The following SRPK3 variants were observed in gnomAD, a reference collection of about 807,000 sequenced individuals.
SRPK3 encodes SRSF protein kinase 3.
Under a neutral mutation model 45.3 loss-of-function variants are expected in SRPK3, and 26 were observed. The observed-to-expected ratio is 0.57, with a 90% CI of 0.42 to 0.80. The LOEUF is 0.80. SRPK3 is among the 30% of genes least tolerant of loss of function. The pLI, the probability that SRPK3 is intolerant of heterozygous loss-of-function variation, is 0.00. For missense variants in SRPK3, 536 were observed against 514.5 expected, an observed-to-expected ratio of 1.04 and a Z score of -0.40; for synonymous variants, 254 against 226.6, an observed-to-expected ratio of 1.12 and a Z score of -1.09.
At chrX:153,783,407 G>C (rs1414298564) in intron 8 of SRPK3, among the ~76,000 whole-genome samples, 156 bp downstream of exon 8, 2 of 112,611 alleles carry the variant, frequency 1.8e-5, no homozygotes, top group African/African-American at 3.2e-5. Context: ...TAATTCCCGG[G>C]GGGGGTCAAG....
At chrX:153,782,732 G>A (rs372970181) in intron 5 of SRPK3, 40 bp from the exon 6 acceptor site, 850 of 1,151,514 alleles carry the variant, frequency 7.4e-4, no homozygotes, top group Non-Finnish European at 9.0e-4. Context: ...GGCCTGTGCC[G>A]CAGCTGGTGT....
rs1001671484 is a variant in SRPK3, at chrX:153,784,829, C to G, written c.1328C>G (p.Pro443Arg). 1 of 1,210,542 alleles carries G rather than the reference C, an allele frequency of 8.3e-7. No homozygotes were observed. The highest frequency in any genetic ancestry group is 1.1e-6 in the Non-Finnish European group (1 of 895,351). ...EVLIGAEYGP[P>R]ADIWSTACMA... The stretch of plus-strand genomic sequence containing the variant: ...CTGATCGGCGCCGAATACGGCCCCC[C>G]GGCAGACATCTGGAGCACAGCCTGC... Residue 443 changes from proline (P) to arginine (R), a missense_variant, in exon 12 of 15, where the codon CCG becomes CGG. Pro to Arg is a moderately radical substitution (Grantham distance 103). Transcript: ENST00000370101.
intron 8 of SRPK3, 151 bp downstream of exon 8, chrX:153,783,402 C>T (rs2092064445): frequency 2.1e-6 from 1 of 486,787 alleles, no homozygotes; most frequent in African/African-American, 2.4e-5. Context: ...GACGGTAATT[C>T]CCGGGGGGGG....
At position 153,785,254 on chromosome X, in the gene SRPK3, C is replaced by T. The variant is rs965563623; in HGVS notation, c.1519+81C>T. 5.9e-6 allele frequency: 7 copies of T among 1,182,308 alleles called. No individual in the cohort carries two copies. The Admixed American group carries it at 1.6e-4, about 27-fold the overall frequency. On this transcript the variant is annotated intron_variant, in intron 14 of 14. Coordinates refer to ENST00000370101, the MANE Select transcript of SRPK3 (RefSeq NM_014370.4). Reference sequence around the variant, plus strand: ...CTTGGATTCTGCAACAGAGGGAACACTGGGTCCCAGGAGCCAGGGCCTAAG... The same window carrying T: ...CTTGGATTCTGCAACAGAGGGAACATTGGGTCCCAGGAGCCAGGGCCTAAG...
At position 153,782,327 on chromosome X, in the gene SRPK3, G is replaced by C. The variant is rs1029999872; in HGVS notation, c.475+119G>C. On this transcript the variant is annotated intron_variant, in intron 5 of 14. Transcript: ENST00000370101. Reference sequence around the variant, plus strand: ...ATGGGCTTGCATCCCTCCCAGTAACGGGAGCCTCTGGCACGACCCCGCCCC... The same window carrying C: ...ATGGGCTTGCATCCCTCCCAGTAACCGGAGCCTCTGGCACGACCCCGCCCC... 4.6e-5 allele frequency: 28 copies of C among 602,306 alleles called. No homozygotes were observed. The South Asian group carries it at 6.8e-4, about 15-fold the overall frequency. The allele number at this position is 602,306 out of a possible 1,213,427, so 49.6% of individuals were successfully genotyped here.
At chrX:153,784,458 C>T in intron 11 of SRPK3, 64 bp downstream of exon 11, 1 of 1,120,645 alleles carries the variant, frequency 8.9e-7, no homozygotes, top group Non-Finnish European at 1.2e-6. Flanking sequence ...CACAGGGCCG[C>T]TCTTGGGGAG....
Position 153,784,798 on chromosome X carries a change from G to A in SRPK3, c.1297G>A (p.Glu433Lys). ...DIQTRQYRAV[E>K]VLIGAEYGPP... Reference sequence around the variant, plus strand: ...CCAGACTCGGCAGTACCGGGCCGTCGAGGTGCTGATCGGCGCCGAATACGG... The same window carrying A: ...CCAGACTCGGCAGTACCGGGCCGTCAAGGTGCTGATCGGCGCCGAATACGG... Residue 433 changes from glutamate (E) to lysine (K), a missense_variant, in exon 12 of 15, where the codon GAG becomes AAG. By Grantham distance (56) the Glu-to-Lys change is moderately conservative (BLOSUM62 1). Coordinates refer to ENST00000370101, the MANE Select transcript of SRPK3 (RefSeq NM_014370.4). The A allele has an allele frequency of 1.7e-6, 2 of 1,211,488 alleles. No individual in the cohort carries two copies. Among genetic ancestry groups the A allele is most frequent in the Non-Finnish European group, 2.2e-6 (2 of 895,612 alleles).
rs1557066998 is a variant in SRPK3 at position 153,781,806 on chromosome X, G to C, written c.363G>C (p.Val121=). The change falls in exon 4 of 15, where the codon GTG becomes GTC. Residue 121 remains valine, a synonymous_variant. Coordinates refer to ENST00000370101, the MANE Select transcript of SRPK3 (RefSeq NM_014370.4). The part of the protein sequence containing the change: ...KSAGHYTETA[V]DEIKLLKCVR... Reference sequence around the variant, plus strand: ...CGGGGCATTACACGGAGACAGCTGTGGATGAGATCAAGCTCCTGAAATGTG... The same window carrying C: ...CGGGGCATTACACGGAGACAGCTGTCGATGAGATCAAGCTCCTGAAATGTG... 2 of 1,211,717 alleles carry C rather than the reference G, an allele frequency of 1.7e-6. No homozygotes were observed. Among genetic ancestry groups the C allele is most frequent in the South Asian group, 3.5e-5 (2 of 57,051 alleles).
At chrX:153,784,522 T>C in intron 11 of SRPK3, 128 bp downstream of exon 11, 1 of 826,510 alleles carries the variant, frequency 1.2e-6, no homozygotes, top group Non-Finnish European at 1.7e-6. Flanking sequence ...GCACTGGTCC[T>C]GCCCAGTCAA....
Position 153,783,757 on chromosome X carries a change from C to G in SRPK3, c.780C>G (p.Thr260=), listed in dbSNP as rs1390668346. The part of the protein sequence containing the change: ...VSTAPQEVLQ[T]GKLSKNKRKK... ...GGTGACCCTGGCTCTGACAGCAGAC[C>G]GGTAAGCTGTCCAAAAACAAGAGGA... The change falls in exon 9 of 15, where the codon ACC becomes ACG. Residue 260 remains threonine, a synonymous_variant. Transcript: ENST00000370101. 3 of 1,209,464 alleles carry G rather than the reference C, an allele frequency of 2.5e-6. No homozygotes were observed. The highest frequency in any genetic ancestry group is 1.8e-5 in the South Asian group (1 of 56,844).
In SRPK3 at chrX:153,781,316, G is replaced by C; in HGVS notation, c.160G>C (p.Glu54Gln). 8.3e-7 allele frequency: 1 copy of C among 1,204,166 alleles called. No homozygotes were observed. Among genetic ancestry groups the C allele is most frequent in the Non-Finnish European group, 1.1e-6 (1 of 891,734 alleles). Reference sequence around the variant, plus strand: ...GGGCCTTCTGGGCTCCGACGACGAGGAACAGGAAGACCCCAAAGACTACTG... The same window carrying C: ...GGGCCTTCTGGGCTCCGACGACGAGCAACAGGAAGACCCCAAAGACTACTG... ...LQGLLGSDDE[E>Q]QEDPKDYCKG... Residue 54 changes from glutamate (E) to glutamine (Q), a missense_variant, in exon 2 of 15, where the codon GAA becomes CAA. By Grantham distance (29) the Glu-to-Gln change is conservative (BLOSUM62 2). Coordinates refer to ENST00000370101, the MANE Select transcript of SRPK3 (RefSeq NM_014370.4).
intron 11 of SRPK3, 59 bp from the exon 12 acceptor site, chrX:153,784,691 T>C (rs1557068318): frequency 4.3e-6 from 5 of 1,165,019 alleles, no homozygotes; most frequent in Non-Finnish European, 5.8e-6. Context: ...GGGGCAGGAG[T>C]CCGTGGGGGC....
In SRPK3 at chrX:153,783,034, G is replaced by A. The variant is rs1557067437; in HGVS notation, c.664G>A (p.Val222Met). 1 of 1,184,500 alleles carries A rather than the reference G, an allele frequency of 8.4e-7. No homozygotes were observed. The highest frequency in any genetic ancestry group is 1.9e-5 in the South Asian group (1 of 52,437). ...DIKPENILLC[V>M]GDAYIRRLAA... ...CAAGCCCGAGAACATCTTGCTGTGT[G>A]TGGGGGACGCTTACATCAGGCGCCT... Residue 222 changes from valine (V) to methionine (M), a missense_variant, in exon 7 of 15, where the codon GTG (valine) becomes ATG (methionine). By Grantham distance (21) the Val-to-Met change is conservative (BLOSUM62 1). Transcript: ENST00000370101.
At chrX:153,784,595 C>G in intron 11 of SRPK3, 155 bp from the exon 12 acceptor site, 1 of 729,141 alleles carries the variant, frequency 1.4e-6, no homozygotes, top group Non-Finnish European at 2.0e-6. Context: ...AGCCTCACAT[C>G]ACTGGGCCTG....
In SRPK3 at chrX:153,785,481, T is replaced by G. The variant is rs374609698; in HGVS notation, c.1665T>G (p.Ser555Arg). The change falls in exon 15 of 15, where the codon AGT becomes AGG. Residue 555 changes from serine (S) to arginine (R), a missense_variant. Ser to Arg is a moderately radical substitution (Grantham distance 110). Coordinates refer to ENST00000370101, the MANE Select transcript of SRPK3 (RefSeq NM_014370.4). ...MMEYIPEKRA[S>R]AADCLQHPWL... The stretch of plus-strand genomic sequence containing the variant: ...AGTACATCCCCGAAAAGCGGGCCAG[T>G]GCCGCTGACTGCCTCCAGCACCCCT... 5.0e-6 allele frequency: 6 copies of G among 1,210,003 alleles called. No individual in the cohort carries two copies. Among genetic ancestry groups the G allele is most frequent in the Non-Finnish European group, 6.7e-6 (6 of 894,561 alleles).
Position 153,783,976 on chromosome X carries a change from T to C in SRPK3, c.910T>C (p.Ser304Pro), listed in dbSNP as rs782287175. 1 of 1,198,324 alleles carries C rather than the reference T, an allele frequency of 8.3e-7. No homozygotes were observed. The highest frequency in any genetic ancestry group is 1.8e-5 in the African/African-American group (1 of 56,956). ...CTGCCTCCACCCCGTCTCCCCAGAC[T>C]CTGGCTTGAGACTAGACGGGGGCAG... ...AMEAATQAED[S>P]GLRLDGGSGS... The change falls in exon 10 of 15, where the codon TCT becomes CCT. Residue 304 changes from serine (S) to proline (P), a missense_variant and splice_region_variant. Transcript: ENST00000370101.
chrX:153,781,150 G>A lies in SRPK3; in HGVS notation c.59+5G>A. 8.6e-7 allele frequency: 1 copy of A among 1,165,529 alleles called. No homozygotes were observed. The highest frequency in any genetic ancestry group is 1.1e-6 in the Non-Finnish European group (1 of 873,673). Reference sequence around the variant, plus strand: ...CAGCGGCGGCAGTAGCAGCAGGTAGGGCTCGGCTGGGGCACCCGGAGCCCC... The same window carrying A: ...CAGCGGCGGCAGTAGCAGCAGGTAGAGCTCGGCTGGGGCACCCGGAGCCCC... On this transcript the variant is annotated splice_donor_5th_base_variant and intron_variant, in intron 1 of 14. Transcript: ENST00000370101.
At chrX:153,783,147 G>C (rs782001663) in intron 7 of SRPK3, 29 bp downstream of exon 7, 29 of 1,181,577 alleles carry the variant, frequency 2.5e-5, no homozygotes, top group Non-Finnish European at 2.8e-5. Context: ...GGGCTGGGTC[G>C]GGGCCTCTGG....
rs199976079 is a variant in SRPK3 at position 153,784,033 on chromosome X, G to A, written c.967G>A (p.Gly323Arg). ...CACATCCTCTTCAGGCTGTCACCCC[G>A]GGGGCGCCAGAGCAGGTCCCTCCCC... ...GSTSSSGCHPGGARAGPSPAS... is the reference protein window; with the variant it reads ...GSTSSSGCHPRGARAGPSPAS... The change falls in exon 10 of 15, where the codon GGG becomes AGG. Residue 323 changes from glycine (G) to arginine (R), a missense_variant. Transcript: ENST00000370101. The A allele has an allele frequency of 8.3e-5, 100 of 1,205,766 alleles. No homozygotes were observed. The highest frequency in any genetic ancestry group is 5.3e-4 in the East Asian group (18 of 33,670).
Sources: allele counts gnomAD v4.1 joint callset (sites outside exome capture counted in the v4.1 genomes callset), GRCh38; gene constraint gnomAD v4.1.1; transcripts MANE v1.5; gene names NCBI Gene and HGNC (gene_info 2026-07-23, HGNC 2026-07-21).